The following SULT6B1 variants were observed in gnomAD, a reference collection of about 807,000 sequenced individuals.
SULT6B1 encodes sulfotransferase family 6B member 1, also known as sulfotransferase 6B1.
A neutral mutation model predicts 37.2 loss-of-function variants in SULT6B1; 44 were observed. That is an observed-to-expected ratio of 1.18 (90% CI 0.93 to 1.52). The LOEUF is 1.52. SULT6B1 is among the 40% of genes most tolerant of loss of function. SULT6B1 has a pLI of 0.00. For missense variants in SULT6B1, 450 were observed against 361.0 expected (o/e 1.25, Z -2.00); for synonymous variants, 140 against 126.0 (o/e 1.11, Z -0.74).
upstream of SULT6B1, among the ~76,000 whole-genome samples, chr2:37,189,244 T>C (rs1320599949): frequency 1.3e-5 from 2 of 152,242 alleles, no homozygotes; most frequent in African/African-American, 4.8e-5. Context: ...TAAAAGTTTA[T>C]GTAAAATTGT....
In SULT6B1 at chr2:37,168,026, T is replaced by C. The variant is rs1676216983; in HGVS notation, c.821A>G (p.Gln274Arg). 6.3e-7 allele frequency: 1 copy of C among 1,598,656 alleles called. No homozygotes were observed. The highest frequency in any genetic ancestry group is 8.5e-7 in the Non-Finnish European group (1 of 1,176,630). Residue 274 changes from glutamine (Q) to arginine (R), a missense_variant, in exon 7 of 7, where the codon CAG (glutamine) becomes CGG (arginine). Transcript: ENST00000535679. ...GDWKNLFSEI[Q>R]NQEMDEKFKE... ...GAATTTTTCATCCATTTCCTGGTTC[T>C]GAATTTCACTGAACAAATTTTTCCA... is the stretch of plus-strand genomic sequence containing the variant.
rs11569761 is a variant in SULT6B1 at position 37,171,439 on chromosome 2, C to T, written c.776G>A (p.Arg259His). Residue 259 changes from arginine to histidine, a missense_variant, in exon 6 of 7, where the codon CGC becomes CAC. Physicochemically the swap from Arg to His is conservative, Grantham distance 29. Coordinates refer to ENST00000535679, the MANE Select transcript of SULT6B1 (RefSeq NM_001367551.1). ...AGAAACCAATGCGACTTTACCTTTG[C>T]GGAAAAGGAATGGGCCGACAGCACC... is the stretch of plus-strand genomic sequence containing the variant. ...THGAVGPFLF[R>H]KGEVGDWKNL... 1.4e-5 allele frequency: 23 copies of T among 1,612,738 alleles called. No individual in the cohort carries two copies. In the African/African-American group the frequency reaches 1.6e-4, roughly 11 times the overall value.
At chr2:37,189,407 G>C (rs1274343036), upstream of SULT6B1, among the ~76,000 whole-genome samples, 1 of 152,208 alleles carries the variant, frequency 6.6e-6, no homozygotes, top group African/African-American at 2.4e-5. Flanking sequence ...AAAAGCTTTA[G>C]AGCAGGAAAG....
At chr2:37,177,227 G>A (rs191082481) in intron 4 of SULT6B1, among the ~76,000 whole-genome samples, 5 of 151,542 alleles carry the variant, frequency 3.3e-5, no homozygotes, top group Admixed American at 6.6e-5. Flanking sequence ...AGAAAAATAC[G>A]AAGCCTGGGC....
chr2:37,193,275 G>A, upstream of SULT6B1, among the ~76,000 whole-genome samples: 1 of 145,872 alleles, frequency 6.9e-6, no homozygotes, highest in East Asian at 2.1e-4. Flanking sequence ...GGCCAACATG[G>A]TGAAACTCTG....
In SULT6B1 at chr2:37,187,457, C is replaced by T. The variant is rs1676699097; in HGVS notation, c.210G>A (p.Trp70Ter). 2 of 1,570,658 alleles carry T rather than the reference C, an allele frequency of 1.3e-6. No homozygotes were observed. The highest frequency in any genetic ancestry group is 2.7e-5 in the African/African-American group (2 of 73,706). ...TTAATTCACTGACAATGTGGAGAAT[C>T]CAGTTTGAACCTATCAGAAAAATCA... is the stretch of plus-strand genomic sequence containing the variant. ...LASYPKCGSNWILHIVSELIY... is the reference protein window; with the variant it reads ...LASYPKCGSN The change falls in exon 2 of 7, where the codon TGG (tryptophan) becomes TGA (stop). Residue 70 changes from tryptophan to a stop codon, truncating the protein, a stop_gained. Transcript: ENST00000535679. LOFTEE classifies it high-confidence loss of function.
intron 2 of SULT6B1, among the ~76,000 whole-genome samples, chr2:37,185,906 A>C (rs1455720558): frequency 1.3e-5 from 2 of 152,080 alleles, no homozygotes; most frequent in East Asian, 1.9e-4. Flanking sequence ...CTGTTGGTCC[A>C]TCCTACGTTC....
At chr2:37,193,074 T>C (rs1676814239), upstream of SULT6B1, among the ~76,000 whole-genome samples, 4 of 152,164 alleles carry the variant, frequency 2.6e-5, no homozygotes, top group Non-Finnish European at 4.4e-5. Flanking sequence ...CTTACCCATA[T>C]TGGAGATAAA....
At chr2:37,177,174 G>A (rs1164159226) in intron 4 of SULT6B1, among the ~76,000 whole-genome samples, 2 of 151,968 alleles carry the variant, frequency 1.3e-5, no homozygotes, top group Admixed American at 6.6e-5. Context: ...GCAACAACAC[G>A]GAGGGAGGAC....
chr2:37,172,962 C>T (rs570265795), intron 5 of SULT6B1, among the ~76,000 whole-genome samples: 1 of 152,218 alleles, frequency 6.6e-6, no homozygotes, highest in Admixed American at 6.5e-5. Context: ...AAGTGAGTCT[C>T]CTGCCTCAGC....
Position 37,183,570 on chromosome 2 carries a change from G to C in SULT6B1, c.313-56C>G. On this transcript the variant is annotated intron_variant, in intron 2 of 6. Transcript: ENST00000535679. ...TGCACGTGTGTGCATGTGTGTGTGT[G>C]TGTTGAATCACTCCTAGGTTTGGTA... 3 of 1,321,092 alleles carry C rather than the reference G, an allele frequency of 2.3e-6. No individual in the cohort carries two copies. The Admixed American group carries it at 5.1e-5, about 22-fold the overall frequency. The allele number at this position is 1,321,092 out of a possible 1,614,324, so 81.8% of individuals were successfully genotyped here. A position where few individuals can be genotyped will look rare whatever the true frequency, so the allele number is the denominator to read the frequency against.
intron 5 of SULT6B1, among the ~76,000 whole-genome samples, chr2:37,173,741 A>G (rs557849111): frequency 6.6e-6 from 1 of 152,244 alleles, no homozygotes; most frequent in East Asian, 1.9e-4. Context: ...TCCCTTCAAC[A>G]TATATCCAGA....
intron 2 of SULT6B1, among the ~76,000 whole-genome samples, chr2:37,185,948 T>C (rs1676664633): frequency 6.6e-6 from 1 of 152,150 alleles, no homozygotes; most frequent in Non-Finnish European, 1.5e-5. Flanking sequence ...CTTCATCAGG[T>C]TGGCTTTGGT....
chr2:37,168,220 C>T (rs1572452452), intron 6 of SULT6B1, among the ~76,000 whole-genome samples, 155 bp from the exon 7 acceptor site: 1 of 152,090 alleles, frequency 6.6e-6, no homozygotes, highest in Non-Finnish European at 1.5e-5. Context: ...GACGGTGTCT[C>T]GCTCTGTTGC....
intron 2 of SULT6B1, among the ~76,000 whole-genome samples, chr2:37,186,443 C>T (rs1558451571): frequency 6.6e-6 from 1 of 152,148 alleles, no homozygotes; most frequent in Admixed American, 6.6e-5. Context: ...ATCTCACATC[C>T]AAGACCCAGT....
At chr2:37,170,815 C>T (rs1027718541) in intron 6 of SULT6B1, among the ~76,000 whole-genome samples, 19 of 151,440 alleles carry the variant, frequency 1.3e-4, no homozygotes, top group Non-Finnish European at 2.2e-4. Context: ...TCAGCTAATA[C>T]GATTCTGCCC....
chr2:37,170,434 T>A (rs1438390479), intron 6 of SULT6B1, among the ~76,000 whole-genome samples: 2 of 150,744 alleles, frequency 1.3e-5, no homozygotes, highest in African/African-American at 4.9e-5. Context: ...ACTACCACAC[T>A]CCAGCCTGGG....
At chr2:37,195,408 G>C (rs922864200) in intron 1 of SULT6B1, among the ~76,000 whole-genome samples, 1 of 152,182 alleles carries the variant, frequency 6.6e-6, no homozygotes, top group Non-Finnish European at 1.5e-5. Context: ...TAGTTACACA[G>C]ATGAACCACA....
At chr2:37,170,060 TTCTTCC>T (rs1426472346) in intron 6 of SULT6B1, among the ~76,000 whole-genome samples, 2 of 152,228 alleles carry the variant, frequency 1.3e-5, no homozygotes, top group Non-Finnish European at 2.9e-5. Flanking sequence ...CATAGTCATT[TTCTTCC>T]TCTTCCTTAT....
Sources: allele counts gnomAD v4.1 joint callset (sites outside exome capture counted in the v4.1 genomes callset), GRCh38; gene constraint gnomAD v4.1.1; transcripts MANE v1.5; gene names NCBI Gene and HGNC (gene_info 2026-07-23, HGNC 2026-07-21).